Variants in FILIP1L observed in about 807,000 individuals in gnomAD.
FILIP1L encodes the protein filamin A interacting protein 1 like.
FILIP1L carries 55 observed loss-of-function variants against 96.6 expected under a neutral mutation model. That is an observed-to-expected ratio of 0.57 (90% confidence interval 0.46 to 0.71). FILIP1L has a LOEUF of 0.71. Among genes scored for constraint, FILIP1L ranks in the 30% least tolerant of loss-of-function variants. FILIP1L has a pLI of 0.00. For missense variants in FILIP1L, 1,304 were observed against 1,321.2 expected, an observed-to-expected ratio of 0.99 and a Z score of 0.20; for synonymous variants, 467 against 473.9, an observed-to-expected ratio of 0.99 and a Z score of 0.19.
intron 1 of FILIP1L, among the ~76,000 whole-genome samples, chr3:100,049,790 C>T (rs1384451815): frequency 6.6e-6 from 1 of 152,170 alleles, no homozygotes; most frequent in Non-Finnish European, 1.5e-5. Flanking sequence ...CTCTAGCTCA[C>T]TTTATTGTAA....
intron 1 of FILIP1L, among the ~76,000 whole-genome samples, chr3:100,017,334 T>C (rs1282494985): frequency 1.3e-5 from 2 of 150,370 alleles, no homozygotes; most frequent in African/African-American, 4.9e-5. Context: ...TGAAGTTAGA[T>C]GAGATTTGTA....
chr3:99,947,983 A>C (rs1708059520), intron 1 of FILIP1L, among the ~76,000 whole-genome samples: 1 of 152,256 alleles, frequency 6.6e-6, no homozygotes, highest in Non-Finnish European at 1.5e-5. Flanking sequence ...TGTAGAGCAT[A>C]TTTCAAACAA....
At chr3:100,093,779 T>C (rs2066154903) in intron 1 of FILIP1L, among the ~76,000 whole-genome samples, 1 of 152,232 alleles carries the variant, frequency 6.6e-6, no homozygotes, top group South Asian at 2.1e-4. Context: ...TCAAAAACAG[T>C]ATATAAATAG....
Position 99,924,259 on chromosome 3 carries a change from GA to G in FILIP1L, c.575del (p.Phe192SerfsTer5). On this transcript the variant is annotated frameshift_variant, in exon 4 of 6. Transcript: ENST00000477258. LOFTEE classifies it high-confidence loss of function. ...HKEYMEKSDE[F>X]ICLLEQECER... ...CACATTCCTGTTCTAGTAGGCATAT[GA>G]ATTCATCACTCTTCTCCATGTATTC... 6.2e-7 allele frequency: 1 copy of G among 1,613,966 alleles called. No individual in the cohort carries two copies. Among genetic ancestry groups the G allele is most frequent in the Non-Finnish European group, 8.5e-7 (1 of 1,179,984 alleles).
intron 1 of FILIP1L, among the ~76,000 whole-genome samples, chr3:100,080,166 A>T (rs1384580796): frequency 6.6e-6 from 1 of 152,174 alleles, no homozygotes; most frequent in Admixed American, 6.5e-5. Context: ...TTTTTTTAAT[A>T]GAGACGGGGA....
At chr3:99,992,372 A>ATAAG (rs1709550204) in intron 1 of FILIP1L, among the ~76,000 whole-genome samples, 1 of 152,030 alleles carries the variant, frequency 6.6e-6, no homozygotes, top group South Asian at 2.1e-4. Flanking sequence ...TCTGACTGAT[A>ATAAG]TAAGGGAGTA....
intron 1 of FILIP1L, among the ~76,000 whole-genome samples, chr3:100,029,879 A>G (rs1402882606): frequency 6.6e-6 from 1 of 152,204 alleles, no homozygotes; most frequent in Non-Finnish European, 1.5e-5. Context: ...AAATCAAACT[A>G]TATGTCATCT....
intron 1 of FILIP1L, 63 bp downstream of exon 1, chr3:100,113,990 T>C (rs2066532245): frequency 6.6e-6 from 1 of 152,170 alleles, no homozygotes; most frequent in African/African-American, 2.4e-5. Context: ...CGCTCCTAGC[T>C]GGTGAATAAC....
intron 1 of FILIP1L, among the ~76,000 whole-genome samples, chr3:100,000,255 G>A (rs1709804566): frequency 6.6e-6 from 1 of 152,074 alleles, no homozygotes. Context: ...CTTGCTTTTT[G>A]TAGGAAAAAA....
chr3:100,052,263 C>A (rs557556834), intron 1 of FILIP1L, among the ~76,000 whole-genome samples: 42 of 152,252 alleles, frequency 2.8e-4, no homozygotes, highest in African/African-American at 1.0e-3. Context: ...TTTGCATGAG[C>A]AGACATGGCA....
intron 4 of FILIP1L, among the ~76,000 whole-genome samples, chr3:99,909,519 A>G (rs1232911815): frequency 6.6e-6 from 1 of 152,190 alleles, no homozygotes; most frequent in African/African-American, 2.4e-5. Flanking sequence ...ATTTTCCTGC[A>G]GACATAATCA....
At chr3:100,058,537 A>T (rs1166340628) in intron 1 of FILIP1L, among the ~76,000 whole-genome samples, 1 of 152,148 alleles carries the variant, frequency 6.6e-6, no homozygotes, top group Admixed American at 6.5e-5. Context: ...CCCAATCTAA[A>T]GCTTTGCTCA....
At position 99,971,179 on chromosome 3, in the gene FILIP1L, T is replaced by C. The variant is rs947912534; in HGVS notation, c.-10-40149A>G. On this transcript the variant is annotated intron_variant, in intron 1 of 5. Transcript: ENST00000477258. ...GGTGAAACCCCGTCTCTACTAAAAA[T>C]ACAAAAAATAATTAGCCGGGCCTGG... 2.6e-5 allele frequency among the ~76,000 whole-genome samples: 4 copies of C among 151,850 alleles called. No homozygotes were observed. The East Asian group carries it at 5.8e-4, about 22-fold the overall frequency.
chr3:100,092,706 C>A (rs1364750908), intron 1 of FILIP1L, among the ~76,000 whole-genome samples: 1 of 148,382 alleles, frequency 6.7e-6, no homozygotes, highest in African/African-American at 2.5e-5. Flanking sequence ...TAGGTTCTCC[C>A]TTTAGAGAAA....
chr3:99,926,122 G>C (rs1336819928), intron 3 of FILIP1L, among the ~76,000 whole-genome samples: 1 of 152,172 alleles, frequency 6.6e-6, no homozygotes, highest in African/African-American at 2.4e-5. Context: ...GCCAATTTAA[G>C]TTGTGTATCC....
At chr3:99,994,233 A>T (rs1187364364) in intron 1 of FILIP1L, among the ~76,000 whole-genome samples, 2 of 152,198 alleles carry the variant, frequency 1.3e-5, no homozygotes, top group Non-Finnish European at 2.9e-5. Context: ...TTCAGATCAG[A>T]AAACAAAGAT....
intron 1 of FILIP1L, among the ~76,000 whole-genome samples, chr3:100,037,938 T>C (rs2065135014): frequency 1.4e-5 from 2 of 145,894 alleles, no homozygotes; most frequent in South Asian, 4.5e-4. Context: ...TAATCGCTTT[T>C]CTTTTTTTTT....
intron 4 of FILIP1L, among the ~76,000 whole-genome samples, chr3:99,889,960 A>G (rs1160526611): frequency 2.0e-5 from 3 of 152,074 alleles, no homozygotes; most frequent in Admixed American, 6.6e-5. Flanking sequence ...TAGATATACC[A>G]ATATATTTAA....
At chr3:99,841,758 A>C (rs1021160756) in intron 5 of FILIP1L, among the ~76,000 whole-genome samples, 2 of 152,256 alleles carry the variant, frequency 1.3e-5, no homozygotes, top group African/African-American at 4.8e-5. Flanking sequence ...ATTATCAGGG[A>C]AATGCAAATC....
Sources: gnomAD v4.1 joint callset for allele counts (sites outside exome capture counted in the v4.1 genomes callset) on GRCh38, gnomAD v4.1.1 for gene constraint, MANE v1.5 for transcripts, NCBI Gene and HGNC (gene_info 2026-07-23, HGNC 2026-07-21) for gene names.